The following TCTN3 variants were observed in gnomAD, a reference collection of about 807,000 sequenced individuals.
TCTN3 encodes the protein tectonic family member 3, also known as tectonic-3.
Under a neutral mutation model 71.3 loss-of-function variants are expected in TCTN3, and 57 were observed. The ratio of observed to expected loss-of-function variants is 0.80; its 90% CI spans 0.65 to 1.00. TCTN3 has a LOEUF of 1.00. Ranked by LOEUF, TCTN3 falls within the 50% of genes least tolerant of loss-of-function variation. The pLI, the probability that TCTN3 is intolerant of heterozygous loss-of-function variation, is 0.00. For missense variants in TCTN3, 696 were observed against 719.9 expected, an observed-to-expected ratio of 0.97 and a Z score of 0.38; for synonymous variants, 258 against 267.8, an observed-to-expected ratio of 0.96 and a Z score of 0.36.
chr10:95,667,669 T>A (rs991205868), intron 13 of TCTN3, among the ~76,000 whole-genome samples: 1 of 152,284 alleles, frequency 6.6e-6, no homozygotes, highest in Middle Eastern at 3.4e-3. Context: ...GAATGAAAAA[T>A]GGGGAATTAT....
chr10:95,687,845 A>C, intron 3 of TCTN3, 126 bp from the exon 4 acceptor site: 1 of 1,095,886 alleles, frequency 9.1e-7, no homozygotes, highest in Non-Finnish European at 1.3e-6. Flanking sequence ...AACTCAAAGA[A>C]TTTTTACAAA....
At chr10:95,684,389 C>T in intron 9 of TCTN3, 110 bp downstream of exon 9, 1 of 1,392,524 alleles carries the variant, frequency 7.2e-7, no homozygotes, top group Non-Finnish European at 9.7e-7. Flanking sequence ...ACAGACTGAA[C>T]TAGGCCTTCA....
Position 95,693,051 on chromosome 10 carries a change from A to T in TCTN3, c.381-13T>A, listed in dbSNP as rs1372047585. 1.9e-6 allele frequency: 3 copies of T among 1,582,840 alleles called. No homozygotes were observed. In the African/African-American group the frequency reaches 4.1e-5, roughly 21 times the overall value. On this transcript the variant is annotated splice_polypyrimidine_tract_variant and intron_variant, in intron 2 of 13. Transcript: ENST00000371217. Reference sequence around the variant, plus strand: ...CCAGCTTGAAGACCTGTGAGGAAAGAGGAGGGAGAAGATATATTTAGAAGG... The same window carrying T: ...CCAGCTTGAAGACCTGTGAGGAAAGTGGAGGGAGAAGATATATTTAGAAGG...
chr10:95,687,288 C>T lies in TCTN3; in HGVS notation c.695G>A (p.Gly232Glu). Reference protein sequence around the residue: ...SVISLLRQPAGVGAGGLCAES... With the variant: ...SVISLLRQPAEVGAGGLCAES... ...AGCACAGAGTCCCCCAGCTCCAACTCCTGCAGGTTGTCTCAGCAAGCTTAT... is the reference window on the plus strand; with the variant it reads ...AGCACAGAGTCCCCCAGCTCCAACTTCTGCAGGTTGTCTCAGCAAGCTTAT... The change falls in exon 5 of 14, where the codon GGA (glycine) becomes GAA (glutamate). Residue 232 changes from glycine to glutamate, a missense_variant. Coordinates refer to ENST00000371217, the MANE Select transcript of TCTN3 (RefSeq NM_015631.6). The T allele has an allele frequency of 6.2e-7, 1 of 1,614,162 alleles. No individual in the cohort carries two copies. Among genetic ancestry groups the T allele is most frequent in the Non-Finnish European group, 8.5e-7 (1 of 1,180,026 alleles).
intron 13 of TCTN3, among the ~76,000 whole-genome samples, chr10:95,669,524 T>TA (rs754857727): frequency 1.5e-4 from 23 of 152,202 alleles, no homozygotes; most frequent in Non-Finnish European, 2.9e-4. Flanking sequence ...AGGCCTTCAG[T>TA]ATCTGCTGGT....
At position 95,664,210 on chromosome 10, in the gene TCTN3, TG is replaced by T; in HGVS notation, c.1680del (p.Met562TrpfsTer43). On this transcript the variant is annotated frameshift_variant, in exon 14 of 14. Coordinates refer to ENST00000371217, the MANE Select transcript of TCTN3 (RefSeq NM_015631.6). LOFTEE classifies it high-confidence loss of function. Reference sequence around the variant, plus strand: ...TCGAATGGCCATTTCCAGTCCATTTTGGGTTGGCCCCTTGGAGGCTGTGGCT... The same window carrying T: ...TCGAATGGCCATTTCCAGTCCATTTTGGTTGGCCCCTTGGAGGCTGTGGCT... ...TQKPQPPRGQPKMDWKWPFDF... is the reference protein window; with the variant it reads ...TQKPQPPRGQXKMDWKWPFDF... The T allele has an allele frequency of 6.2e-7, 1 of 1,614,218 alleles. No homozygotes were observed. Among genetic ancestry groups the T allele is most frequent in the Non-Finnish European group, 8.5e-7 (1 of 1,180,036 alleles).
In TCTN3 at chr10:95,693,707, T is replaced by C. The variant is rs11553577; in HGVS notation, c.193A>G (p.Thr65Ala). ...GGAGTCACGAGAGTAGGGACCACTG[T>C]AGGGAGTCCAGGCACGGCCGGGCGA... is the stretch of plus-strand genomic sequence containing the variant. ...ATRPAVPGLPTVVPTLVTPSA... is the reference protein window; with the variant it reads ...ATRPAVPGLPAVVPTLVTPSA... The change falls in exon 1 of 14, where the codon ACA (threonine) becomes GCA (alanine). Residue 65 changes from threonine to alanine, a missense_variant. Transcript: ENST00000371217. The C allele has an allele frequency of 3.9e-6, 6 of 1,551,482 alleles. No individual in the cohort carries two copies. The highest frequency in any genetic ancestry group is 5.2e-6 in the Non-Finnish European group (6 of 1,146,984).
rs1171851448 is a variant in TCTN3, at chr10:95,664,139, T to C, written c.1752A>G (p.Gln584=). The change falls in exon 14 of 14, where the codon CAA becomes CAG. Residue 584 remains glutamine (Q), a synonymous_variant. Transcript: ENST00000371217. The part of the protein sequence containing the change: ...KVAFSRGVFS[Q]KCSVSPILIL... ...TAAGGATGGGAGAGACTGAGCATTT[T>C]TGAGAGAATACTCCTCTGCTGAATG... 1.8e-5 allele frequency: 29 copies of C among 1,614,208 alleles called. No homozygotes were observed. The highest frequency in any genetic ancestry group is 3.3e-5 in the Admixed American group (2 of 60,024).
intron 1 of TCTN3, 39 bp from the exon 2 acceptor site, chr10:95,693,515 C>T (rs1310884446): frequency 6.4e-7 from 1 of 1,551,506 alleles, no homozygotes; most frequent in Non-Finnish European, 8.7e-7. Context: ...GATGAAGATC[C>T]CCAAACTCTC....
In TCTN3 at chr10:95,687,332, G is replaced by A. The variant is rs1386998176; in HGVS notation, c.651C>T (p.Tyr217=). 1 of 1,613,748 alleles carries A rather than the reference G, an allele frequency of 6.2e-7. No homozygotes were observed. The highest frequency in any genetic ancestry group is 8.5e-7 in the Non-Finnish European group (1 of 1,179,926). ...AGCTTATTACAGACCACTTGGGGAAGTAAGTAAGAATGGGGTCCCCAGCCT... is the reference window on the plus strand; with the variant it reads ...AGCTTATTACAGACCACTTGGGGAAATAAGTAAGAATGGGGTCCCCAGCCT... ...FYRAGDPILT[Y]FPKWSVISLL... is the part of the protein sequence containing the mutation. The change falls in exon 5 of 14, where the codon TAC becomes TAT. Residue 217 remains tyrosine, a synonymous_variant. Transcript: ENST00000371217.
rs116582209 is a variant in TCTN3 at position 95,680,144 on chromosome 10, T to C, written c.1590+328A>G. ...CACATATAACTGTGTGGCTGACAGATTGAACAATTATGGAAGGTGTTTTCT... is the reference window on the plus strand; with the variant it reads ...CACATATAACTGTGTGGCTGACAGACTGAACAATTATGGAAGGTGTTTTCT... On this transcript the variant is annotated intron_variant, in intron 13 of 13. Coordinates refer to ENST00000371217, the MANE Select transcript of TCTN3 (RefSeq NM_015631.6). Among the ~76,000 whole-genome samples the C allele has an allele frequency of 1.4e-3, 217 of 152,312 alleles. 1 individual carries two copies. The highest frequency in any genetic ancestry group is 4.4e-3 in the African/African-American group (183 of 41,578).
Position 95,683,635 on chromosome 10 carries a change from G to GA in TCTN3, c.1096-7dup. On this transcript the variant is annotated splice_region_variant and splice_polypyrimidine_tract_variant and intron_variant, in intron 9 of 13. Transcript: ENST00000371217. ...GCTGTGCTCTGTTGAAAAGCCTGCA[G>GA]AAAGAGGGAAGAGAAGTCAATTATG... 6.2e-7 allele frequency: 1 copy of GA among 1,601,884 alleles called. No homozygotes were observed. Among genetic ancestry groups the GA allele is most frequent in the Non-Finnish European group, 8.5e-7 (1 of 1,173,042 alleles).
intron 13 of TCTN3, among the ~76,000 whole-genome samples, chr10:95,674,447 T>C (rs892362000): frequency 6.6e-6 from 1 of 152,098 alleles, no homozygotes; most frequent in Non-Finnish European, 1.5e-5. Context: ...AAGAATACCA[T>C]TATTAATATC....
Position 95,684,640 on chromosome 10 carries a change from A to G in TCTN3, c.970-16T>C. ...CATAGGTGACCTGAAATGCAAAAAG[A>G]ATCAATTAATAAAAAGTAGTTATTG... is the stretch of plus-strand genomic sequence containing the variant. On this transcript the variant is annotated splice_polypyrimidine_tract_variant and intron_variant, in intron 8 of 13. Transcript: ENST00000371217. The G allele has an allele frequency of 6.2e-7, 1 of 1,612,404 alleles. No homozygotes were observed. Among genetic ancestry groups the G allele is most frequent in the Non-Finnish European group, 8.5e-7 (1 of 1,179,140 alleles).
At chr10:95,670,463 G>T (rs1367818985) in intron 13 of TCTN3, among the ~76,000 whole-genome samples, 3 of 151,482 alleles carry the variant, frequency 2.0e-5, no homozygotes, top group Non-Finnish European at 1.5e-5. Context: ...TGGCTCAGGT[G>T]ATTCTCCCAC....
intron 3 of TCTN3, among the ~76,000 whole-genome samples, chr10:95,688,611 G>A (rs116580714): frequency 1.8e-3 from 270 of 152,050 alleles, no homozygotes; most frequent in African/African-American, 6.2e-3. Flanking sequence ...AACAACTGAC[G>A]AGTCCTAACA....
chr10:95,692,997 C>A lies in TCTN3; in HGVS notation c.422G>T (p.Arg141Met), dbSNP rs777355901. The A allele has an allele frequency of 1.2e-6, 2 of 1,613,972 alleles. No homozygotes were observed. The highest frequency in any genetic ancestry group is 1.1e-5 in the South Asian group (1 of 91,056). ...TCTTGAAGGAAACGGGGAATTACTCCTGAAGATAACAGAGTTGTCTACACA... is the reference window on the plus strand; with the variant it reads ...TCTTGAAGGAAACGGGGAATTACTCATGAAGATAACAGAGTTGTCTACACA... The part of the protein sequence containing the change: ...WVCVDNSVIF[R>M]SNSPFPSRVF... Residue 141 changes from arginine (R) to methionine (M), a missense_variant, in exon 3 of 14, where the codon AGG becomes ATG. Coordinates refer to ENST00000371217, the MANE Select transcript of TCTN3 (RefSeq NM_015631.6).
chr10:95,680,710 A>G, intron 12 of TCTN3, 101 bp from the exon 13 acceptor site: 1 of 1,410,556 alleles, frequency 7.1e-7, no homozygotes, highest in Non-Finnish European at 9.5e-7. Context: ...ATTCAGTAAT[A>G]AGGAAGGCAA....
rs1197682620 is a variant in TCTN3 at position 95,692,906 on chromosome 10, A to G, written c.499+14T>C. 1.2e-5 allele frequency: 19 copies of G among 1,569,598 alleles called. No homozygotes were observed. The highest frequency in any genetic ancestry group is 1.6e-5 in the Non-Finnish European group (18 of 1,139,630). On this transcript the variant is annotated intron_variant, in intron 3 of 13. Coordinates refer to ENST00000371217, the MANE Select transcript of TCTN3 (RefSeq NM_015631.6). ...GTGTTAGAAAATGAGAACAACCAAC[A>G]TGTTTCTACTCACAGTTGTTCACAT...
Sources: gnomAD v4.1 joint callset for allele counts (sites outside exome capture counted in the v4.1 genomes callset) on GRCh38, gnomAD v4.1.1 for gene constraint, MANE v1.5 for transcripts, NCBI Gene and HGNC (gene_info 2026-07-23, HGNC 2026-07-21) for gene names.